Variants in RHOBTB2 observed in about 807,000 individuals in gnomAD.
The protein encoded by RHOBTB2 is Rho related BTB domain containing 2, also known as rho-related BTB domain-containing protein 2.
Under a neutral mutation model 66.5 loss-of-function variants are expected in RHOBTB2, and 39 were observed. That is an observed-to-expected ratio of 0.59 (90% CI 0.45 to 0.77). RHOBTB2 has a LOEUF of 0.77. Ranked by LOEUF, RHOBTB2 falls within the 30% of genes least tolerant of loss-of-function variation. The pLI is 0.00. For missense variants in RHOBTB2, 755 were observed against 999.1 expected, an observed-to-expected ratio of 0.76 and a Z score of 3.29; for synonymous variants, 390 against 395.0, an observed-to-expected ratio of 0.99 and a Z score of 0.15.
chr8:23,005,206 G>A (rs1282074889), intron 2 of RHOBTB2, among the ~76,000 whole-genome samples, 166 bp from the exon 3 acceptor site: 1 of 152,148 alleles, frequency 6.6e-6, no homozygotes, highest in South Asian at 2.1e-4. Flanking sequence ...GAGATTTTAC[G>A]TGGATGAAAG....
intron 8 of RHOBTB2, 62 bp downstream of exon 8, chr8:23,014,840 C>T (rs1436036851): frequency 7.3e-7 from 1 of 1,368,102 alleles, no homozygotes; most frequent in African/African-American, 1.4e-5. Context: ...TGCCCATTGG[C>T]TGCGAATGGG....
At chr8:22,966,036 A>C in the RHOBTB2 span, among the ~76,000 whole-genome samples, 259 of 152,304 alleles carry the variant, frequency 1.7e-3, no homozygotes, top group African/African-American at 6.0e-3. Flanking sequence ...TAATGGATTA[A>C]TACTCAGAAT....
chr8:23,010,794 A>C (rs1811125419), intron 7 of RHOBTB2, 106 bp downstream of exon 7: 1 of 1,226,692 alleles, frequency 8.2e-7, no homozygotes, highest in African/African-American at 1.5e-5. Context: ...GCTGATGTCC[A>C]AGGGACTAAG....
chr8:22,998,724 CAAAAAAAAAAA>C (rs555614764), upstream of RHOBTB2, among the ~76,000 whole-genome samples: 1 of 81,308 alleles, frequency 1.2e-5, no homozygotes. Context: ...GAGGGAGACT[CAAAAAAAAAAA>C]AAAAAAAAAA....
At chr8:22,953,937 T>A in the RHOBTB2 span, among the ~76,000 whole-genome samples, 1 of 152,232 alleles carries the variant, frequency 6.6e-6, no homozygotes, top group Non-Finnish European at 1.5e-5. Flanking sequence ...TGGCTGCTGA[T>A]AAAATGGTCT....
chr8:22,999,997 TC>T lies in RHOBTB2; in HGVS notation c.-116del. On this transcript the variant is annotated 5_prime_UTR_variant, in exon 1 of 10. Coordinates refer to ENST00000251822, the MANE Select transcript of RHOBTB2 (RefSeq NM_015178.3). ...CAGCAGCGCGGCGGCGCCGGCGTCG[TC>T]CCAACTTGCAGGCGCGGAGGGACCC... The T allele has an allele frequency of 1.0e-6, 1 of 985,550 alleles. No homozygotes were observed. Among genetic ancestry groups the T allele is most frequent in the Non-Finnish European group, 1.2e-6 (1 of 830,028 alleles). 61.1% of individuals were successfully genotyped at this position (985,550 alleles called of 1,614,324 possible).
chr8:22,998,735 A>AT (rs1207991331), upstream of RHOBTB2, among the ~76,000 whole-genome samples: 1 of 151,540 alleles, frequency 6.6e-6, no homozygotes, highest in Non-Finnish European at 1.5e-5. Context: ...AAAAAAAAAA[A>AT]AAAAAAAAAA....
intron 1 of RHOBTB2, among the ~76,000 whole-genome samples, chr8:22,987,908 G>T (rs115534866): frequency 6.6e-6 from 1 of 152,080 alleles, no homozygotes; most frequent in Non-Finnish European, 1.5e-5. Context: ...GGCAGGCCTG[G>T]ATGCCACTCT....
chr8:22,994,504 C>T (rs1810495690), intron 2 of RHOBTB2: 7 of 1,075,298 alleles, frequency 6.5e-6, no homozygotes, highest in Non-Finnish European at 8.3e-6. Context: ...TGCTCATTCC[C>T]TTTCTCCCCT....
intron 2 of RHOBTB2, 68 bp from the exon 3 acceptor site, chr8:23,005,304 C>A: frequency 2.5e-6 from 3 of 1,198,090 alleles, no homozygotes; most frequent in Non-Finnish European, 2.5e-6. Flanking sequence ...CGGCGCTTAT[C>A]CTGAGGTGGC....
chr8:22,961,177 T>C, the RHOBTB2 span, among the ~76,000 whole-genome samples: 1 of 152,144 alleles, frequency 6.6e-6, no homozygotes, highest in African/African-American at 2.4e-5. Context: ...AATAAGATTA[T>C]GGGAGCGAGC....
At chr8:23,002,564 C>A (rs930351580) in intron 1 of RHOBTB2, among the ~76,000 whole-genome samples, 3 of 152,152 alleles carry the variant, frequency 2.0e-5, no homozygotes, top group South Asian at 2.1e-4. Flanking sequence ...GTGGCACACA[C>A]CTGTAATCCC....
chr8:22,995,284 G>A (rs1390953920), upstream of RHOBTB2, among the ~76,000 whole-genome samples: 1 of 152,114 alleles, frequency 6.6e-6, no homozygotes, highest in African/African-American at 2.4e-5. Flanking sequence ...AACCTTGTCT[G>A]AGGAAAGAGA....
chr8:23,007,227 C>T lies in RHOBTB2; in HGVS notation c.982C>T (p.His328Tyr). ...CCAGGGCCACTCTGATCAACACCAC[C>T]ACCATCACCACCACCACCATGGGCG... Reference protein sequence around the residue: ...DHQGHSDQHHHHHHHHHGRDF... With the variant: ...DHQGHSDQHHYHHHHHHGRDF... The change falls in exon 5 of 10, where the codon CAC becomes TAC. Residue 328 changes from histidine (H) to tyrosine (Y), a missense_variant. Coordinates refer to ENST00000251822, the MANE Select transcript of RHOBTB2 (RefSeq NM_015178.3). 6.2e-7 allele frequency: 1 copy of T among 1,609,260 alleles called. No individual in the cohort carries two copies. Among genetic ancestry groups the T allele is most frequent in the Non-Finnish European group, 8.5e-7 (1 of 1,179,548 alleles).
At position 23,004,672 on chromosome 8, in the gene RHOBTB2, G is replaced by C. The variant is rs760616195; in HGVS notation, c.192+46G>C. 3.3e-5 allele frequency: 51 copies of C among 1,538,602 alleles called. No homozygotes were observed. The highest frequency in any genetic ancestry group is 4.1e-5 in the Non-Finnish European group (47 of 1,133,824). On this transcript the variant is annotated intron_variant, in intron 2 of 9. Transcript: ENST00000251822. This position sits in a 1 kb window ranked among gnomAD's most constrained non-coding sequence, Gnocchi z 6.4. ...GGCTGGGGGTCCACGCCATGAGTCTGGGCTTGGGGGCTTCCTGAGGCATAG... is the reference window on the plus strand; with the variant it reads ...GGCTGGGGGTCCACGCCATGAGTCTCGGCTTGGGGGCTTCCTGAGGCATAG...
At chr8:22,972,264 T>C in the RHOBTB2 span, among the ~76,000 whole-genome samples, 1 of 152,214 alleles carries the variant, frequency 6.6e-6, no homozygotes, top group Non-Finnish European at 1.5e-5. Flanking sequence ...TCATTTCTTT[T>C]AAAATTAGAA....
chr8:23,017,477 C>T lies in RHOBTB2; in HGVS notation c.*8C>T, dbSNP rs749231015. ...TCCTCGGCTGTGGTCTGAGATGCTG[C>T]CACCCTCTTCTGACCCTGCTGCTGT... On this transcript the variant is annotated 3_prime_UTR_variant, in exon 10 of 10. Coordinates refer to ENST00000251822, the MANE Select transcript of RHOBTB2 (RefSeq NM_015178.3). The surrounding 1 kb of genome is among the most constrained non-coding windows in gnomAD (Gnocchi z 5.3). 1.3e-6 allele frequency: 2 copies of T among 1,569,550 alleles called. No individual in the cohort carries two copies. The highest frequency in any genetic ancestry group is 1.7e-6 in the Non-Finnish European group (2 of 1,157,542).
intron 6 of RHOBTB2, among the ~76,000 whole-genome samples, chr8:23,009,189 G>GAA (rs1351482608): frequency 5.9e-5 from 3 of 51,158 alleles, no homozygotes; most frequent in Admixed American, 1.9e-4. Flanking sequence ...AGAGAGAAAA[G>GAA]AAGGAAGGGA....
In RHOBTB2 at chr8:23,004,120, G is replaced by T. The variant is rs891513285; in HGVS notation, c.-10-305G>T. 1 of 413,192 alleles carries T rather than the reference G, an allele frequency of 2.4e-6. No individual in the cohort carries two copies. The highest frequency in any genetic ancestry group is 2.1e-5 in the South Asian group (1 of 46,834). 25.6% of individuals were successfully genotyped at this position (413,192 alleles called of 1,614,324 possible). A position where few individuals can be genotyped will look rare whatever the true frequency, so the allele number is the denominator to read the frequency against. ...TGGAGAGGGGACAGGGCAGGGCCTCGGCAAGCTCCACTGGTGATCTCGCGT... is the reference window on the plus strand; with the variant it reads ...TGGAGAGGGGACAGGGCAGGGCCTCTGCAAGCTCCACTGGTGATCTCGCGT... On this transcript the variant is annotated intron_variant, in intron 1 of 9. Transcript: ENST00000251822. The surrounding 1 kb of genome is among the most constrained non-coding windows in gnomAD (Gnocchi z 6.4).
Sources: allele counts gnomAD v4.1 joint callset (sites outside exome capture counted in the v4.1 genomes callset), GRCh38; gene constraint gnomAD v4.1.1; non-coding constraint Gnocchi (gnomAD v3.1); transcripts MANE v1.5; gene names NCBI Gene and HGNC (gene_info 2026-07-23, HGNC 2026-07-21).